Variants in TTBK2 observed in about 807,000 individuals in gnomAD.
The protein encoded by TTBK2 is tau-tubulin kinase 2.
TTBK2 carries 28 observed loss-of-function variants against 110.8 expected under a neutral mutation model. The ratio of observed to expected loss-of-function variants is 0.25; its 90% CI spans 0.19 to 0.35. The LOEUF is 0.35. TTBK2 is among the 10% of genes least tolerant of loss of function. TTBK2 has a pLI of 1.00. For synonymous variants in TTBK2, 532 were observed against 527.3 expected (o/e 1.01, Z -0.12); for missense variants, 1,369 against 1,500.3 (o/e 0.91, Z 1.45).
intron 13 of TTBK2, among the ~76,000 whole-genome samples, chr15:42,765,348 G>T (rs969127383): frequency 6.6e-5 from 10 of 152,196 alleles, no homozygotes; most frequent in African/African-American, 2.4e-4. Context: ...TGAACCCATT[G>T]CAAGGAAGCT....
At chr15:42,784,183 A>G (rs974420564) in intron 10 of TTBK2, among the ~76,000 whole-genome samples, 1 of 152,250 alleles carries the variant, frequency 6.6e-6, no homozygotes, top group Admixed American at 6.5e-5. Flanking sequence ...TTTAAAATAC[A>G]AAATCTAAAA....
intron 3 of TTBK2, among the ~76,000 whole-genome samples, chr15:42,853,108 ACTTCAGGGAAGT>A (rs1215907293): frequency 2.0e-5 from 3 of 152,188 alleles, no homozygotes; most frequent in Admixed American, 2.0e-4. Context: ...GTAGCTGGAG[ACTTCAGGGAAGT>A]CTCCAGGGAA....
intron 6 of TTBK2, among the ~76,000 whole-genome samples, chr15:42,825,114 A>AAAT (rs1394867949): frequency 6.6e-6 from 1 of 152,082 alleles, no homozygotes; most frequent in Non-Finnish European, 1.5e-5. Context: ...CTGTCTCTTT[A>AAAT]AATAATAATA....
intron 13 of TTBK2, among the ~76,000 whole-genome samples, chr15:42,768,643 A>G (rs1469784044): frequency 2.0e-5 from 3 of 152,252 alleles, no homozygotes; most frequent in Admixed American, 1.3e-4. Flanking sequence ...TTCCATGTTC[A>G]TGGATAGGAA....
At position 42,741,878 on chromosome 15, in the gene TTBK2, C is replaced by T. The variant is rs1197954355; in HGVS notation, c.*3917G>A. 1 of 151,684 alleles carries T rather than the reference C, an allele frequency of 6.6e-6. No homozygotes were observed. Among genetic ancestry groups the T allele is most frequent in the African/African-American group, 2.4e-5 (1 of 41,290 alleles). The allele number at this position is 151,684 out of a possible 1,614,324, so 9.4% of individuals were successfully genotyped here. On this transcript the variant is annotated 3_prime_UTR_variant, in exon 15 of 15. Coordinates refer to ENST00000267890, the MANE Select transcript of TTBK2 (RefSeq NM_173500.4). Reference sequence around the variant, plus strand: ...TGTTAGGAATGTAGAACTGTCTGCTCTTGGGGAAAAAAAAAGCATCTGTTT... The same window carrying T: ...TGTTAGGAATGTAGAACTGTCTGCTTTTGGGGAAAAAAAAAGCATCTGTTT...
intron 1 of TTBK2, among the ~76,000 whole-genome samples, chr15:42,914,871 C>T (rs976958277): frequency 2.0e-5 from 3 of 152,202 alleles, no homozygotes; most frequent in Admixed American, 6.5e-5. Flanking sequence ...CTGTTAAATG[C>T]TCATGTCTGC....
chr15:42,898,470 C>T (rs1895757104), intron 1 of TTBK2, among the ~76,000 whole-genome samples: 1 of 151,240 alleles, frequency 6.6e-6, no homozygotes, highest in East Asian at 1.9e-4. Flanking sequence ...CCAATCGTGC[C>T]ACTGCACTCC....
intron 13 of TTBK2, among the ~76,000 whole-genome samples, chr15:42,768,916 T>C (rs2140717033): frequency 6.6e-6 from 1 of 152,196 alleles, no homozygotes; most frequent in South Asian, 2.1e-4. Flanking sequence ...AACAGATACA[T>C]AGACCAATGG....
intron 9 of TTBK2, among the ~76,000 whole-genome samples, chr15:42,809,645 G>A (rs980923727): frequency 6.6e-6 from 1 of 152,166 alleles, no homozygotes; most frequent in Non-Finnish European, 1.5e-5. Flanking sequence ...CTCACACACA[G>A]TGTATTTTCT....
chr15:42,873,899 C>T (rs1248984436), intron 2 of TTBK2, among the ~76,000 whole-genome samples: 1 of 152,184 alleles, frequency 6.6e-6, no homozygotes, highest in East Asian at 1.9e-4. Context: ...ATAACCAGCT[C>T]AAGACACCCC....
chr15:42,826,226 G>A (rs1892531788), intron 6 of TTBK2, among the ~76,000 whole-genome samples: 1 of 151,976 alleles, frequency 6.6e-6, no homozygotes, highest in African/African-American at 2.4e-5. Context: ...ATCCAAAAAA[G>A]TATGACATTA....
intron 6 of TTBK2, among the ~76,000 whole-genome samples, chr15:42,826,006 C>T (rs1340117914): frequency 6.6e-6 from 1 of 151,978 alleles, no homozygotes; most frequent in African/African-American, 2.4e-5. Flanking sequence ...GTTTTTTACA[C>T]TCTTTTGGAA....
At chr15:42,769,067 G>A (rs2140718053) in intron 13 of TTBK2, among the ~76,000 whole-genome samples, 1 of 152,298 alleles carries the variant, frequency 6.6e-6, no homozygotes, top group South Asian at 2.1e-4. Context: ...TATGTAGAAA[G>A]TTGAAATTGG....
intron 4 of TTBK2, among the ~76,000 whole-genome samples, chr15:42,830,356 T>C (rs1892701835): frequency 6.6e-6 from 1 of 151,930 alleles, no homozygotes; most frequent in Non-Finnish European, 1.5e-5. Flanking sequence ...CCCAGCAAAT[T>C]TTTCTATTTT....
intron 1 of TTBK2, among the ~76,000 whole-genome samples, chr15:42,886,757 G>A (rs941111702): frequency 2.0e-5 from 3 of 152,200 alleles, no homozygotes; most frequent in East Asian, 1.9e-4. Context: ...AAGCCACAGC[G>A]GTCAGGCGTT....
At chr15:42,871,391 C>G in intron 3 of TTBK2, 1 of 963,166 alleles carries the variant, frequency 1.0e-6, no homozygotes, top group Non-Finnish European at 1.2e-6. Flanking sequence ...AAACCATACA[C>G]AAAATAAGCA....
At chr15:42,858,934 G>A (rs553656929) in intron 3 of TTBK2, among the ~76,000 whole-genome samples, 7 of 152,164 alleles carry the variant, frequency 4.6e-5, no homozygotes, top group African/African-American at 1.7e-4. Context: ...AGTATATATA[G>A]GAGAAAAATT....
chr15:42,812,043 ATTAG>A (rs1321638246), intron 7 of TTBK2, among the ~76,000 whole-genome samples: 8 of 152,216 alleles, frequency 5.3e-5, no homozygotes, highest in African/African-American at 1.7e-4. Context: ...ATAACAGCCC[ATTAG>A]TTAATGTGTT....
At chr15:42,878,477 A>T in intron 2 of TTBK2, 72 bp downstream of exon 2, 5 of 1,581,420 alleles carry the variant, frequency 3.2e-6, no homozygotes, top group Non-Finnish European at 4.3e-6. Context: ...ACCAAAAATT[A>T]CCCCCCGATA....
Sources: gnomAD v4.1 joint callset for allele counts (sites outside exome capture counted in the v4.1 genomes callset) on GRCh38, gnomAD v4.1.1 for gene constraint, MANE v1.5 for transcripts, NCBI Gene and HGNC (gene_info 2026-07-23, HGNC 2026-07-21) for gene names.